The following CYP4X1 variants were observed in gnomAD, a reference collection of about 807,000 sequenced individuals.
The protein encoded by CYP4X1 is cytochrome P450 4X1.
CYP4X1 carries 44 observed loss-of-function variants against 57.9 expected under a neutral mutation model. The observed-to-expected ratio is 0.76, with a 90% CI of 0.60 to 0.98. The LOEUF is 0.98. Ranked by LOEUF, CYP4X1 falls within the 50% of genes least tolerant of loss-of-function variation. The pLI, the probability that CYP4X1 is intolerant of heterozygous loss-of-function variation, is 0.00. For synonymous variants in CYP4X1, 227 were observed against 228.6 expected (o/e 0.99, Z 0.06); for missense variants, 532 against 623.9 (o/e 0.85, Z 1.57).
At chr1:46,969,766 C>G in the CYP4X1 span, among the ~76,000 whole-genome samples, 1 of 152,108 alleles carries the variant, frequency 6.6e-6, no homozygotes, top group Non-Finnish European at 1.5e-5. Context: ...CCTAAAAAGG[C>G]CTTTCCCCAC....
chr1:47,028,248 A>G (rs568903008), intron 1 of CYP4X1, among the ~76,000 whole-genome samples: 1 of 152,290 alleles, frequency 6.6e-6, no homozygotes, highest in Non-Finnish European at 1.5e-5. Context: ...AGTATAAAGC[A>G]CTTGGGCTCC....
intron 1 of CYP4X1, among the ~76,000 whole-genome samples, chr1:47,024,745 C>T (rs1419045773): frequency 6.6e-6 from 1 of 152,118 alleles, no homozygotes; most frequent in Non-Finnish European, 1.5e-5. Context: ...AAGGGAATAT[C>T]TGTCGGAGGA....
At chr1:46,993,583 T>C in the CYP4X1 span, among the ~76,000 whole-genome samples, 2 of 152,134 alleles carry the variant, frequency 1.3e-5, no homozygotes, top group Non-Finnish European at 1.5e-5. Context: ...TCCACATCCT[T>C]TCCAGCACCT....
chr1:47,001,291 C>G, the CYP4X1 span, among the ~76,000 whole-genome samples: 2 of 152,230 alleles, frequency 1.3e-5, no homozygotes, highest in Non-Finnish European at 1.5e-5. Context: ...GCCTGAACCA[C>G]TCTGTCAGGA....
At chr1:47,036,370 T>TTTTATATATATATATATATA in intron 6 of CYP4X1, among the ~76,000 whole-genome samples, 199 bp downstream of exon 6, 1 of 129,838 alleles carries the variant, frequency 7.7e-6, no homozygotes, top group South Asian at 2.8e-4. Flanking sequence ...ATCAGAATTT[T>TTTTATATATATATATATATA]TATATATATA....
the CYP4X1 span, among the ~76,000 whole-genome samples, chr1:47,003,995 T>A: frequency 0.011 from 1,653 of 152,318 alleles, 35 homozygotes; most frequent in African/African-American, 0.037. Flanking sequence ...GGCTAATTCA[T>A]GCTGGCTTCC....
intron 8 of CYP4X1, among the ~76,000 whole-genome samples, chr1:47,040,077 C>T (rs1267617845): frequency 6.6e-6 from 1 of 151,990 alleles, no homozygotes; most frequent in Non-Finnish European, 1.5e-5. Flanking sequence ...TTTATGACTA[C>T]AATTTATTGT....
At position 47,050,183 on chromosome 1, in the gene CYP4X1, G is replaced by C; in HGVS notation, c.*9G>C. ...AACTCTCTGAATGTTAGATCTCAGG[G>C]TACAATGATTAAACGTACTTTGTTT... On this transcript the variant is annotated 3_prime_UTR_variant, in exon 12 of 12. Transcript: ENST00000371901. 6.2e-7 allele frequency: 1 copy of C among 1,613,234 alleles called. No homozygotes were observed. Among genetic ancestry groups the C allele is most frequent in the Non-Finnish European group, 8.5e-7 (1 of 1,179,684 alleles).
At chr1:47,010,924 A>T in the CYP4X1 span, among the ~76,000 whole-genome samples, 2 of 152,224 alleles carry the variant, frequency 1.3e-5, no homozygotes, top group Non-Finnish European at 2.9e-5. Context: ...AAACAAATGG[A>T]CTAACATTCC....
the CYP4X1 span, among the ~76,000 whole-genome samples, chr1:46,999,868 G>A: frequency 1.3e-5 from 2 of 151,904 alleles, no homozygotes; most frequent in African/African-American, 4.8e-5. Context: ...GGTGACAAGG[G>A]ACTTGCCTTG....
the CYP4X1 span, among the ~76,000 whole-genome samples, chr1:46,975,989 C>G: frequency 6.6e-6 from 1 of 152,140 alleles, no homozygotes; most frequent in Admixed American, 6.5e-5. Flanking sequence ...TCCAAGATGG[C>G]TAAATAGTAA....
At chr1:47,001,464 G>C in the CYP4X1 span, among the ~76,000 whole-genome samples, 1 of 152,146 alleles carries the variant, frequency 6.6e-6, no homozygotes, top group Non-Finnish European at 1.5e-5. Flanking sequence ...TCCCTTTATA[G>C]GGAGACCGAC....
chr1:47,055,281 G>A (rs959381064), downstream of CYP4X1, among the ~76,000 whole-genome samples: 1 of 152,160 alleles, frequency 6.6e-6, no homozygotes, highest in Non-Finnish European at 1.5e-5. Flanking sequence ...ACTTGATCAT[G>A]GTGGATAAGC....
the CYP4X1 span, among the ~76,000 whole-genome samples, chr1:47,009,458 GGAAA>G: frequency 2.0e-5 from 3 of 151,970 alleles, no homozygotes; most frequent in African/African-American, 4.8e-5. Flanking sequence ...AAAGAAAGCA[GGAAA>G]GATCTAAAAT....
chr1:47,036,855 C>T (rs1644189125), intron 6 of CYP4X1, among the ~76,000 whole-genome samples: 1 of 152,140 alleles, frequency 6.6e-6, no homozygotes, highest in Non-Finnish European at 1.5e-5. Flanking sequence ...TAGGACAGTG[C>T]CTGGCACTGA....
the CYP4X1 span, among the ~76,000 whole-genome samples, chr1:46,963,354 G>T: frequency 1.8e-4 from 27 of 151,862 alleles, 1 homozygote; most frequent in East Asian, 1.2e-3. Flanking sequence ...AGCATTGATG[G>T]TCTTTACAAT....
At chr1:46,993,345 A>G in the CYP4X1 span, among the ~76,000 whole-genome samples, 3 of 152,042 alleles carry the variant, frequency 2.0e-5, no homozygotes, top group Non-Finnish European at 2.9e-5. Context: ...TTGGACATTT[A>G]GGTTGGTTCC....
rs1644345343 is a variant in CYP4X1 at position 47,050,003 on chromosome 1, C to T, written c.1359C>T (p.Asn453=). Reference sequence around the variant, plus strand: ...TTTCTTTCCCTCTTGTCTTCAGGAACTGCATTGGGCAGGAGTTTGCCATGA... The same window carrying T: ...TTTCTTTCCCTCTTGTCTTCAGGAATTGCATTGGGCAGGAGTTTGCCATGA... The part of the protein sequence containing the change: ...AYLPFSAGSR[N]CIGQEFAMIE... Residue 453 remains asparagine (N), a synonymous_variant, in exon 12 of 12, where the codon AAC becomes AAT. Transcript: ENST00000371901. 1 of 1,612,370 alleles carries T rather than the reference C, an allele frequency of 6.2e-7. No individual in the cohort carries two copies. Among genetic ancestry groups the T allele is most frequent in the South Asian group, 1.1e-5 (1 of 90,454 alleles).
At chr1:46,993,284 AG>A in the CYP4X1 span, among the ~76,000 whole-genome samples, 493 of 152,202 alleles carry the variant, frequency 3.2e-3, 5 homozygotes, top group African/African-American at 0.011. Context: ...ATGGCTGCAT[AG>A]TATTCCATGG....
Sources: allele counts gnomAD v4.1 joint callset (sites outside exome capture counted in the v4.1 genomes callset), GRCh38; gene constraint gnomAD v4.1.1; transcripts MANE v1.5; gene names NCBI Gene and HGNC (gene_info 2026-07-23, HGNC 2026-07-21).